Variants in NRXN1 observed in about 807,000 individuals in gnomAD.
NRXN1 encodes the protein neurexin-1.
A neutral mutation model predicts 150.9 loss-of-function variants in NRXN1; 39 were observed. The observed-to-expected ratio is 0.26, with a 90% confidence interval of 0.20 to 0.34. The LOEUF (loss-of-function observed/expected upper bound fraction) is 0.34. Ranked by LOEUF, NRXN1 falls within the 10% of genes least tolerant of loss-of-function variation. The probability of loss-of-function intolerance (pLI) is 1.00; values close to 1 mark genes in which losing one functional copy is unlikely to be tolerated. For synonymous variants in NRXN1, 924 were observed against 757.0 expected (o/e 1.22, Z -3.62); for missense variants, 1,815 against 1,949.9 (o/e 0.93, Z 1.30).
intron 17 of NRXN1, among the ~76,000 whole-genome samples, chr2:50,304,155 A>G (rs900276905): frequency 6.6e-6 from 1 of 152,192 alleles, no homozygotes; most frequent in Non-Finnish European, 1.5e-5. Context: ...AACAGAAACT[A>G]AAATATGTAT....
chr2:50,121,368 T>C (rs528153648), intron 18 of NRXN1, among the ~76,000 whole-genome samples: 11 of 152,292 alleles, frequency 7.2e-5, no homozygotes, highest in Admixed American at 5.9e-4. Context: ...CTTTAAAAAG[T>C]AGGTAGAATA....
chr2:50,863,080 T>C (rs1417311045), intron 5 of NRXN1, among the ~76,000 whole-genome samples: 11 of 152,058 alleles, frequency 7.2e-5, no homozygotes, highest in Admixed American at 7.2e-4. Flanking sequence ...TTCTTTATGA[T>C]GGGGTACCTG....
intron 18 of NRXN1, among the ~76,000 whole-genome samples, chr2:50,135,649 C>T (rs1358011077): frequency 6.6e-6 from 1 of 152,070 alleles, no homozygotes; most frequent in African/African-American, 2.4e-5. Flanking sequence ...TGAGATTGCA[C>T]CATTGCACTC....
chr2:50,190,236 T>C (rs925497159), intron 18 of NRXN1, among the ~76,000 whole-genome samples: 2 of 152,188 alleles, frequency 1.3e-5, no homozygotes, highest in Admixed American at 1.3e-4. Flanking sequence ...AGTAAGAATA[T>C]ATTTCAACTA....
Position 50,552,597 on chromosome 2 carries a change from G to A in NRXN1, c.1749C>T (p.Asp583=), listed in dbSNP as rs199934259. ...AAATGATAAGATTACCTGACCGTCC[G>A]TCTCTCTGGAAGTCCACATGATACC... ...GEWYHVDFQR[D]GRSGTISVNT... Residue 583 remains aspartate, a synonymous_variant, in exon 9 of 23, where the codon GAC becomes GAT. Coordinates refer to ENST00000401669, the MANE Select transcript of NRXN1 (RefSeq NM_001330078.2). The A allele has an allele frequency of 6.5e-5, 105 of 1,609,352 alleles. No homozygotes were observed. Among genetic ancestry groups the A allele is most frequent in the East Asian group, 5.4e-4 (24 of 44,786 alleles).
intron 2 of NRXN1, chr2:51,026,536 A>T (rs1670504070): frequency 9.6e-7 from 1 of 1,039,366 alleles, no homozygotes; most frequent in Admixed American, 2.2e-5. Flanking sequence ...TTTAAGCCCC[A>T]AGAACCACAG....
intron 12 of NRXN1, among the ~76,000 whole-genome samples, chr2:50,509,882 C>A (rs2092383809): frequency 6.6e-6 from 1 of 152,000 alleles, no homozygotes; most frequent in Non-Finnish European, 1.5e-5. Flanking sequence ...GAAGGTGGGG[C>A]CTTCAAGATA....
At chr2:50,421,968 C>G (rs774560341) in intron 17 of NRXN1, among the ~76,000 whole-genome samples, 1 of 152,142 alleles carries the variant, frequency 6.6e-6, no homozygotes, top group Non-Finnish European at 1.5e-5. Flanking sequence ...CTTCTCCCAT[C>G]TGAGCCCTTC....
chr2:50,403,512 T>C (rs180905509), intron 17 of NRXN1, among the ~76,000 whole-genome samples: 1 of 152,280 alleles, frequency 6.6e-6, no homozygotes, highest in East Asian at 1.9e-4. Flanking sequence ...AGTTGTTATC[T>C]AGTACATATG....
At chr2:50,011,668 T>A (rs181765945) in intron 21 of NRXN1, among the ~76,000 whole-genome samples, 5 of 152,028 alleles carry the variant, frequency 3.3e-5, no homozygotes, top group Non-Finnish European at 7.4e-5. Context: ...CTAGAAAACA[T>A]TGAGATCTCT....
intron 2 of NRXN1, among the ~76,000 whole-genome samples, chr2:50,973,758 C>T (rs915040890): frequency 6.6e-6 from 1 of 151,916 alleles, no homozygotes; most frequent in Non-Finnish European, 1.5e-5. Context: ...TGTGTTAAAC[C>T]AAATCTGTAT....
At chr2:50,150,894 C>A (rs1334828251) in intron 18 of NRXN1, among the ~76,000 whole-genome samples, 2 of 151,636 alleles carry the variant, frequency 1.3e-5, no homozygotes, top group African/African-American at 4.8e-5. Context: ...TTTGATTGGT[C>A]CAGGAGTGGG....
chr2:50,623,801 T>C (rs1680491992), intron 5 of NRXN1, among the ~76,000 whole-genome samples, 186 bp from the exon 6 acceptor site: 1 of 152,086 alleles, frequency 6.6e-6, no homozygotes, highest in African/African-American at 2.4e-5. Context: ...TTATTATTAT[T>C]ATACTTTAAG....
intron 5 of NRXN1, among the ~76,000 whole-genome samples, chr2:50,659,721 C>T (rs1325929233): frequency 2.0e-5 from 3 of 150,342 alleles, no homozygotes; most frequent in African/African-American, 4.9e-5. Context: ...TACATTTTAG[C>T]TTCCTTTTTC....
intron 21 of NRXN1, among the ~76,000 whole-genome samples, chr2:50,012,316 A>G (rs180813143): frequency 9.5e-4 from 145 of 152,236 alleles, no homozygotes; most frequent in Admixed American, 2.9e-3. Context: ...TACAACTTGT[A>G]TGTCTTTTTA....
At chr2:50,560,579 T>A (rs1240741570) in intron 8 of NRXN1, among the ~76,000 whole-genome samples, 1 of 152,104 alleles carries the variant, frequency 6.6e-6, no homozygotes, top group African/African-American at 2.4e-5. Flanking sequence ...ACTACAGGCA[T>A]GTGCTACCAC....
intron 21 of NRXN1, among the ~76,000 whole-genome samples, chr2:50,032,456 A>G (rs988875692): frequency 6.6e-6 from 1 of 152,092 alleles, no homozygotes; most frequent in Non-Finnish European, 1.5e-5. Flanking sequence ...AAGGAAATTC[A>G]ATTTCAGAAA....
At chr2:50,687,130 T>A (rs975030475) in intron 5 of NRXN1, among the ~76,000 whole-genome samples, 2 of 152,138 alleles carry the variant, frequency 1.3e-5, no homozygotes. Flanking sequence ...CAGTGAATAT[T>A]GACACTATTT....
At chr2:50,192,294 C>T (rs972308357) in intron 18 of NRXN1, among the ~76,000 whole-genome samples, 2 of 152,076 alleles carry the variant, frequency 1.3e-5, no homozygotes, top group African/African-American at 4.8e-5. Context: ...TTCTTTAAAG[C>T]ATGAAATGCA....
Sources: gnomAD v4.1 joint callset for allele counts (sites outside exome capture counted in the v4.1 genomes callset) on GRCh38, gnomAD v4.1.1 for gene constraint, MANE v1.5 for transcripts, NCBI Gene and HGNC (gene_info 2026-07-23, HGNC 2026-07-21) for gene names.